CSNK1G1: variants seen among roughly 807,000 people sequenced by gnomAD.
The protein encoded by CSNK1G1 is casein kinase I isoform gamma-1.
A neutral mutation model predicts 59.6 loss-of-function variants in CSNK1G1; 22 were observed. The observed-to-expected ratio is 0.37, with a 90% confidence interval of 0.26 to 0.53. The LOEUF (loss-of-function observed/expected upper bound fraction) is 0.53. CSNK1G1 is among the 20% of genes least tolerant of loss of function. The pLI, the probability that CSNK1G1 is intolerant of heterozygous loss-of-function variation, is 0.89. For missense variants in CSNK1G1, 384 were observed against 519.5 expected, an observed-to-expected ratio of 0.74 and a Z score of 2.54; for synonymous variants, 179 against 177.1, an observed-to-expected ratio of 1.01 and a Z score of -0.08.
At chr15:64,335,745 T>C (rs932181666) in intron 1 of CSNK1G1, 4 of 152,214 alleles carry the variant, frequency 2.6e-5, no homozygotes, top group Non-Finnish European at 4.4e-5. Flanking sequence ...TTTCTGTTGA[T>C]CAAGAAAATA....
chr15:64,273,711 C>T (rs931893207), intron 2 of CSNK1G1, among the ~76,000 whole-genome samples: 5 of 145,314 alleles, frequency 3.4e-5, no homozygotes, highest in African/African-American at 1.0e-4. Context: ...TACATGAACA[C>T]TAACAAAAGC....
intron 1 of CSNK1G1, among the ~76,000 whole-genome samples, chr15:64,327,038 C>T (rs1464486514): frequency 1.3e-5 from 2 of 151,150 alleles, no homozygotes; most frequent in African/African-American, 4.9e-5. Context: ...CACGGAATCT[C>T]GCTGATTGCT....
At chr15:64,327,655 C>T (rs865877567) in intron 1 of CSNK1G1, among the ~76,000 whole-genome samples, 5 of 151,942 alleles carry the variant, frequency 3.3e-5, no homozygotes, top group East Asian at 3.9e-4. Flanking sequence ...TCACCAGCAA[C>T]GGAACAAAGC....
chr15:64,239,643 T>C (rs937520935), intron 4 of CSNK1G1, among the ~76,000 whole-genome samples: 8 of 152,284 alleles, frequency 5.3e-5, no homozygotes, highest in African/African-American at 1.9e-4. Flanking sequence ...CCTCCAAAAG[T>C]GATGGGATTA....
Position 64,268,613 on chromosome 15 carries a change from T to C in CSNK1G1, c.182-9372A>G, listed in dbSNP as rs561750435. On this transcript the variant is annotated intron_variant, in intron 2 of 11. Transcript: ENST00000303052. ...TGTACCTTAGGTTAACTGGGGTGTT[T>C]TGTTTGTTTTTTAGGGAACACACAG... Among the ~76,000 whole-genome samples, 12 of 152,366 alleles carry C rather than the reference T, an allele frequency of 7.9e-5. No individual in the cohort carries two copies. In the South Asian group the frequency reaches 2.5e-3, roughly 32 times the overall value.
chr15:64,263,377 C>T (rs185919134), intron 2 of CSNK1G1, among the ~76,000 whole-genome samples: 7 of 151,998 alleles, frequency 4.6e-5, no homozygotes, highest in Non-Finnish European at 7.4e-5. Context: ...TTAGTAGAGA[C>T]GGGGTTTCGC....
At chr15:64,276,815 C>T (rs113540461) in intron 2 of CSNK1G1, among the ~76,000 whole-genome samples, 6,712 of 151,620 alleles carry the variant, frequency 0.044, 191 homozygotes, top group South Asian at 0.085. Context: ...GTGGTAGTGG[C>T]GGGCACCTGT....
At chr15:64,189,597 C>A in intron 10 of CSNK1G1, 1 of 445,108 alleles carries the variant, frequency 2.2e-6, no homozygotes, top group Non-Finnish European at 3.2e-6. Flanking sequence ...TGCTGCTCTG[C>A]ATGAAAACCA....
rs575364678 is a variant in CSNK1G1 at position 64,167,023 on chromosome 15, A to T, written c.*4908T>A. On this transcript the variant is annotated 3_prime_UTR_variant, in exon 12 of 12. Transcript: ENST00000303052. ...TTTTTCCCTTGAAAGGTGATTTACAAATACCGGAAGTGGGTTTTCTGGTTG... is the reference window on the plus strand; with the variant it reads ...TTTTTCCCTTGAAAGGTGATTTACATATACCGGAAGTGGGTTTTCTGGTTG... 1.3e-5 allele frequency: 2 copies of T among 152,332 alleles called. No individual in the cohort carries two copies. The highest frequency in any genetic ancestry group is 2.9e-5 in the Non-Finnish European group (2 of 68,018). The allele number at this position is 152,332 out of a possible 1,614,324, so 9.4% of individuals were successfully genotyped here.
chr15:64,314,846 G>C (rs568945225), intron 1 of CSNK1G1, among the ~76,000 whole-genome samples: 2 of 152,126 alleles, frequency 1.3e-5, no homozygotes, highest in Non-Finnish European at 2.9e-5. Flanking sequence ...ATGTGTGTGC[G>C]TGTGTGTGTA....
chr15:64,319,985 G>GC (rs1896474673), intron 1 of CSNK1G1, among the ~76,000 whole-genome samples: 1 of 126,180 alleles, frequency 7.9e-6, no homozygotes, highest in Admixed American at 1.0e-4. Context: ...GTGCAGTGAT[G>GC]CCTCAACCTT....
chr15:64,259,211 G>C lies in CSNK1G1; in HGVS notation c.212C>G (p.Ala71Gly). Residue 71 changes from alanine to glycine, a missense_variant, in exon 3 of 12, where the codon GCA becomes GGA. Physicochemically the swap from Ala to Gly is moderately conservative, Grantham distance 60. This residue lies in a region of CSNK1G1 where 325 missense variants were observed against 440.9 expected (regional missense o/e 0.74). Transcript: ENST00000303052. Reference sequence around the variant, plus strand: ...ACAGATTCTACTCACCAGTTTGATTGCTACATATTCATTGGTGTAGAGATT... The same window carrying C: ...ACAGATTCTACTCACCAGTTTGATTCCTACATATTCATTGGTGTAGAGATT... ...GKNLYTNEYV[A>G]IKLEPIKSRA... 1.3e-6 allele frequency: 2 copies of C among 1,596,648 alleles called. No individual in the cohort carries two copies. Among genetic ancestry groups the C allele is most frequent in the Non-Finnish European group, 1.7e-6 (2 of 1,169,950 alleles).
At chr15:64,260,273 G>A (rs774158405) in intron 2 of CSNK1G1, among the ~76,000 whole-genome samples, 2 of 152,036 alleles carry the variant, frequency 1.3e-5, no homozygotes, top group African/African-American at 2.4e-5. Flanking sequence ...TCAAAATCTC[G>A]ACTGATTAAA....
Position 64,300,553 on chromosome 15 carries a change from C to T in CSNK1G1, c.-54G>A. The T allele has an allele frequency of 1.3e-6, 2 of 1,537,476 alleles. No homozygotes were observed. The highest frequency in any genetic ancestry group is 2.0e-5 in the Admixed American group (1 of 49,548). On this transcript the variant is annotated 5_prime_UTR_variant, in exon 2 of 12. Transcript: ENST00000303052. ...ACAGCAAGTAGCTTCAGTATGTATA[C>T]CTCTCTTCAATACAAAAGTATGTCC...
At chr15:64,177,892 C>G (rs143914815) in intron 11 of CSNK1G1, among the ~76,000 whole-genome samples, 2 of 152,216 alleles carry the variant, frequency 1.3e-5, no homozygotes, top group East Asian at 1.9e-4. Context: ...AAACTTCTAG[C>G]CTTCAAAGTA....
At position 64,171,799 on chromosome 15, in the gene CSNK1G1, T is replaced by A; in HGVS notation, c.*132A>T. Reference sequence around the variant, plus strand: ...CCCGCACTGGCCCCTTCTGGGGGCATCTGTTTTCTTCTTTTTGGTTTGGAT... The same window carrying A: ...CCCGCACTGGCCCCTTCTGGGGGCAACTGTTTTCTTCTTTTTGGTTTGGAT... On this transcript the variant is annotated 3_prime_UTR_variant, in exon 12 of 12. Coordinates refer to ENST00000303052, the MANE Select transcript of CSNK1G1 (RefSeq NM_022048.5). This position sits in a 1 kb window ranked among gnomAD's most constrained non-coding sequence, Gnocchi z 4.8. The A allele has an allele frequency of 1.2e-6, 1 of 806,980 alleles. No homozygotes were observed. The highest frequency in any genetic ancestry group is 2.1e-6 in the Non-Finnish European group (1 of 471,932). The allele number at this position is 806,980 out of a possible 1,614,324, so 50.0% of individuals were successfully genotyped here. A position where few individuals can be genotyped will look rare whatever the true frequency, so the allele number is the denominator to read the frequency against.
At chr15:64,259,122 G>T in intron 3 of CSNK1G1, 79 bp downstream of exon 3, 1 of 1,259,500 alleles carries the variant, frequency 7.9e-7, no homozygotes, top group Non-Finnish European at 1.1e-6. Flanking sequence ...GCGAATGAAT[G>T]CTTAAAACTA....
Position 64,165,945 on chromosome 15 carries a change from T to G in CSNK1G1, c.*5986A>C. On this transcript the variant is annotated 3_prime_UTR_variant, in exon 12 of 12. Coordinates refer to ENST00000303052, the MANE Select transcript of CSNK1G1 (RefSeq NM_022048.5). ...TCCTCTGCAGAGAAGATTTTCCTAA[T>G]GGTGCACAAATATCTCTCCTGGAGG... The G allele has an allele frequency of 1.6e-6, 1 of 619,872 alleles. No homozygotes were observed. Among genetic ancestry groups the G allele is most frequent in the Non-Finnish European group, 2.9e-6 (1 of 349,136 alleles). The allele number at this position is 619,872 out of a possible 1,614,324, so 38.4% of individuals were successfully genotyped here.
At chr15:64,352,612 ATGT>A (rs1302293668) in intron 1 of CSNK1G1, among the ~76,000 whole-genome samples, 2 of 150,136 alleles carry the variant, frequency 1.3e-5, no homozygotes, top group Admixed American at 6.6e-5. Context: ...TGCCTGACTA[ATGT>A]TGTATTTTTA....
Sources: allele counts gnomAD v4.1 joint callset (sites outside exome capture counted in the v4.1 genomes callset), GRCh38; gene constraint gnomAD v4.1.1; regional missense constraint gnomAD v4.1.1; non-coding constraint Gnocchi (gnomAD v3.1); transcripts MANE v1.5; gene names NCBI Gene and HGNC (gene_info 2026-07-23, HGNC 2026-07-21).